Variants in RIT2 observed in about 807,000 individuals in gnomAD.
RIT2 encodes Ras like without CAAX 2.
Under a neutral mutation model 23.7 loss-of-function variants are expected in RIT2, and 24 were observed. The observed-to-expected ratio is 1.01, with a 90% CI of 0.73 to 1.43. RIT2 has a LOEUF of 1.43. RIT2 is among the 40% of genes most tolerant of loss of function. RIT2 has a pLI of 0.00. For synonymous variants in RIT2, 107 were observed against 91.1 expected (o/e 1.17, Z -0.99); for missense variants, 236 against 266.9 (o/e 0.88, Z 0.81).
At chr18:43,083,700 G>A (rs1292337661) in intron 1 of RIT2, among the ~76,000 whole-genome samples, 1 of 152,074 alleles carries the variant, frequency 6.6e-6, no homozygotes, top group African/African-American at 2.4e-5. Flanking sequence ...ACTGAAACTG[G>A]ACCCCTTCTT....
chr18:43,067,829 C>T (rs1007679455), intron 1 of RIT2, among the ~76,000 whole-genome samples: 8 of 152,158 alleles, frequency 5.3e-5, no homozygotes, highest in South Asian at 2.1e-4. Flanking sequence ...CTCTCATGAC[C>T]GGAACCAATC....
intron 4 of RIT2, among the ~76,000 whole-genome samples, chr18:42,769,249 T>A (rs1913493439): frequency 6.6e-6 from 1 of 152,240 alleles, no homozygotes; most frequent in African/African-American, 2.4e-5. Context: ...ATTTCCCAGT[T>A]ATAGGAGCTA....
chr18:42,886,535 C>A (rs1300653535), intron 4 of RIT2, among the ~76,000 whole-genome samples: 1 of 152,160 alleles, frequency 6.6e-6, no homozygotes, highest in African/African-American at 2.4e-5. Flanking sequence ...GTCTGCCAGA[C>A]CATTTGGGAA....
chr18:43,053,078 A>AC (rs770166710), intron 1 of RIT2, among the ~76,000 whole-genome samples: 9 of 152,014 alleles, frequency 5.9e-5, no homozygotes, highest in Admixed American at 3.9e-4. Context: ...TCATCCTCTT[A>AC]CCTATGGCCA....
chr18:42,772,089 A>G (rs924527827), intron 4 of RIT2, among the ~76,000 whole-genome samples: 1 of 152,140 alleles, frequency 6.6e-6, no homozygotes, highest in Non-Finnish European at 1.5e-5. Context: ...AAGTTATCCA[A>G]TGACAGAAGT....
chr18:43,045,750 C>T (rs1164590527), intron 1 of RIT2, among the ~76,000 whole-genome samples: 1 of 151,956 alleles, frequency 6.6e-6, no homozygotes, highest in Non-Finnish European at 1.5e-5. Context: ...CTGGAACTTC[C>T]CATTTTGTGC....
chr18:42,887,412 A>T (rs75610290), intron 4 of RIT2, among the ~76,000 whole-genome samples: 16,130 of 152,220 alleles, frequency 0.11, 972 homozygotes, highest in Middle Eastern at 0.24. Context: ...GAAAAGTAAC[A>T]TGAAATAGAA....
chr18:42,820,255 C>T (rs1906110179), intron 4 of RIT2, among the ~76,000 whole-genome samples: 1 of 151,984 alleles, frequency 6.6e-6, no homozygotes, highest in African/African-American at 2.4e-5. Flanking sequence ...TTAATCACTA[C>T]ATTTAAAGCA....
intron 2 of RIT2, among the ~76,000 whole-genome samples, chr18:42,998,290 C>T (rs1911031480): frequency 1.3e-5 from 2 of 152,054 alleles, no homozygotes; most frequent in African/African-American, 4.8e-5. Context: ...AATTCATATG[C>T]CTCTTTTTCA....
At chr18:42,877,386 G>C (rs935958394) in intron 4 of RIT2, among the ~76,000 whole-genome samples, 1 of 150,810 alleles carries the variant, frequency 6.6e-6, no homozygotes, top group Non-Finnish European at 1.5e-5. Flanking sequence ...ACTTTGTTTT[G>C]CTAATTGCTA....
At chr18:42,787,400 A>C (rs988704292) in intron 4 of RIT2, among the ~76,000 whole-genome samples, 1 of 151,508 alleles carries the variant, frequency 6.6e-6, no homozygotes, top group East Asian at 2.0e-4. Context: ...CGTTGTGCAC[A>C]TGTACCCTAG....
At chr18:42,810,080 A>T (rs185743868) in intron 4 of RIT2, among the ~76,000 whole-genome samples, 85 of 147,648 alleles carry the variant, frequency 5.8e-4, no homozygotes, top group Non-Finnish European at 4.8e-4. Flanking sequence ...TATACATAAC[A>T]TATATATTAA....
intron 2 of RIT2, among the ~76,000 whole-genome samples, chr18:43,030,586 A>AT (rs532904156): frequency 6.6e-6 from 1 of 151,898 alleles, no homozygotes; most frequent in Non-Finnish European, 1.5e-5. Flanking sequence ...AGTTTTCAAG[A>AT]TTTTTTTTGG....
At chr18:42,971,638 TA>T (rs767641788) in intron 3 of RIT2, among the ~76,000 whole-genome samples, 25 of 152,240 alleles carry the variant, frequency 1.6e-4, no homozygotes, top group Non-Finnish European at 2.8e-4. Flanking sequence ...ATGATTTTTC[TA>T]GTTCACAAAT....
intron 4 of RIT2, among the ~76,000 whole-genome samples, chr18:42,802,448 A>G (rs1210828789): frequency 6.6e-6 from 1 of 152,202 alleles, no homozygotes; most frequent in Non-Finnish European, 1.5e-5. Context: ...TCTCGTGTGC[A>G]GTTTTAGGCA....
chr18:42,934,048 A>G (rs1224076975), intron 3 of RIT2, among the ~76,000 whole-genome samples: 2 of 151,626 alleles, frequency 1.3e-5, no homozygotes, highest in Admixed American at 6.6e-5. Context: ...AGAAAAAAAA[A>G]AAAAGAAACC....
rs559740859 is a variant in RIT2, at chr18:42,937,646, C to T, written c.235-13883G>A. Among the ~76,000 whole-genome samples the T allele has an allele frequency of 2.0e-5, 3 of 152,260 alleles. No homozygotes were observed. In the South Asian group the frequency reaches 6.2e-4, roughly 32 times the overall value. On this transcript the variant is annotated intron_variant, in intron 3 of 4. Coordinates refer to ENST00000326695, the MANE Select transcript of RIT2 (RefSeq NM_002930.4). ...TACTTATCAGCTAACCACAAAGCTT[C>T]CTGATCTACATTGTCTCAGGGCTGG...
chr18:42,911,054 A>G (rs1908756856), intron 4 of RIT2, among the ~76,000 whole-genome samples: 1 of 152,064 alleles, frequency 6.6e-6, no homozygotes, highest in Non-Finnish European at 1.5e-5. Flanking sequence ...AACAAACTTT[A>G]ACAAATAAAA....
At chr18:42,859,378 C>T (rs754475947) in intron 4 of RIT2, among the ~76,000 whole-genome samples, 22 of 152,096 alleles carry the variant, frequency 1.4e-4, no homozygotes, top group African/African-American at 4.6e-4. Context: ...TTCAAATTCT[C>T]GGCTGATTTT....
Sources: gnomAD v4.1 joint callset for allele counts (sites outside exome capture counted in the v4.1 genomes callset) on GRCh38, gnomAD v4.1.1 for gene constraint, MANE v1.5 for transcripts, NCBI Gene and HGNC (gene_info 2026-07-23, HGNC 2026-07-21) for gene names.